The following SFMBT1 variants were observed in gnomAD, a reference collection of about 807,000 sequenced individuals.
SFMBT1 encodes the protein scm-like with four MBT domains protein 1.
A neutral mutation model predicts 108.7 loss-of-function variants in SFMBT1; 32 were observed. The ratio of observed to expected loss-of-function variants is 0.29; its 90% CI spans 0.22 to 0.40. The LOEUF is 0.40. Ranked by LOEUF, SFMBT1 falls within the 10% of genes least tolerant of loss-of-function variation. The pLI, the probability that SFMBT1 is intolerant of heterozygous loss-of-function variation, is 1.00. For synonymous variants in SFMBT1, 348 were observed against 369.5 expected (o/e 0.94, Z 0.67); for missense variants, 816 against 1,059.6 (o/e 0.77, Z 3.19).
In SFMBT1 at chr3:52,921,738, C is replaced by T; in HGVS notation, c.1225G>A (p.Val409Met). 2 of 1,614,170 alleles carry T rather than the reference C, an allele frequency of 1.2e-6. No individual in the cohort carries two copies. Among genetic ancestry groups the T allele is most frequent in the African/African-American group, 1.3e-5 (1 of 75,062 alleles). The change falls in exon 11 of 21, where the codon GTG becomes ATG. Residue 409 changes from valine to methionine, a missense_variant. By Grantham distance (21) the Val-to-Met change is conservative. Around this residue, in one of 5 missense-constraint regions of SFMBT1, gnomAD observed 495 missense variants for 607.4 expected, o/e 0.81. Coordinates refer to ENST00000394752, the MANE Select transcript of SFMBT1 (RefSeq NM_016329.4). Reference protein sequence around the residue: ...EEVCVATITAVRGSYLWLQLE... With the variant: ...EEVCVATITAMRGSYLWLQLE... ...TGGAGCCACAGGTAGGAGCCTCTCACTGCAGTGATGGTAGCAACACACACT... is the reference window on the plus strand; with the variant it reads ...TGGAGCCACAGGTAGGAGCCTCTCATTGCAGTGATGGTAGCAACACACACT...
chr3:52,910,956 G>A (rs1702199864), intron 17 of SFMBT1, 47 bp downstream of exon 17: 1 of 1,587,386 alleles, frequency 6.3e-7, no homozygotes, highest in African/African-American at 1.3e-5. Flanking sequence ...CAAGATGTAA[G>A]GTATGGTCAG....
rs538889531 is a variant in SFMBT1 at position 52,947,641 on chromosome 3, T to C, written c.124-4048A>G. On this transcript the variant is annotated intron_variant, in intron 3 of 20. Coordinates refer to ENST00000394752, the MANE Select transcript of SFMBT1 (RefSeq NM_016329.4). ...GCAAACATTTTTCTCATTTTCACTA[T>C]GATGTCTTTTGATAAACAGAAGTTC... Among the ~76,000 whole-genome samples the C allele has an allele frequency of 4.2e-4, 64 of 152,286 alleles. 1 individual carries two copies. The South Asian group carries it at 0.013, about 31-fold the overall frequency.
chr3:52,935,465 A>G (rs1394017293), intron 4 of SFMBT1, among the ~76,000 whole-genome samples: 1 of 152,224 alleles, frequency 6.6e-6, no homozygotes, highest in Non-Finnish European at 1.5e-5. Flanking sequence ...AGTAAAGCCT[A>G]AAATATTTAC....
At chr3:52,966,666 A>G (rs934829309) in intron 2 of SFMBT1, among the ~76,000 whole-genome samples, 1 of 150,740 alleles carries the variant, frequency 6.6e-6, no homozygotes, top group Non-Finnish European at 1.5e-5. Flanking sequence ...AAAATTCTCT[A>G]AATAGAAATG....
chr3:52,913,362 T>C (rs754450070), intron 15 of SFMBT1, 116 bp downstream of exon 15: 1 of 1,304,190 alleles, frequency 7.7e-7, no homozygotes, highest in East Asian at 2.4e-5. Flanking sequence ...GAAAAGTTAG[T>C]AACTTTTGAT....
rs576586938 is a variant in SFMBT1, at chr3:53,008,457, C to T, written c.-131+37359G>A. Among the ~76,000 whole-genome samples, 13 of 152,272 alleles carry T rather than the reference C, an allele frequency of 8.5e-5. No individual in the cohort carries two copies. In the East Asian group the frequency reaches 2.5e-3, roughly 29 times the overall value. Reference sequence around the variant, plus strand: ...CAATCTTAATACATACACACAAATTCTTTCCAACAAGAATGTTCTCTTTGT... The same window carrying T: ...CAATCTTAATACATACACACAAATTTTTTCCAACAAGAATGTTCTCTTTGT... On this transcript the variant is annotated intron_variant, in intron 1 of 20. Transcript: ENST00000394752.
At chr3:52,971,869 C>A (rs578009995) in intron 1 of SFMBT1, among the ~76,000 whole-genome samples, 2 of 152,146 alleles carry the variant, frequency 1.3e-5, no homozygotes, top group East Asian at 3.8e-4. Context: ...TGGGAAGGAC[C>A]TGAAGGCTGC....
chr3:52,953,120 T>C (rs1703650964), intron 3 of SFMBT1, among the ~76,000 whole-genome samples: 1 of 152,266 alleles, frequency 6.6e-6, no homozygotes, highest in African/African-American at 2.4e-5. Context: ...TAAGTAGTTT[T>C]AGAATTAATT....
chr3:52,918,502 A>G lies in SFMBT1; in HGVS notation c.1397T>C (p.Val466Ala). The G allele has an allele frequency of 6.4e-7, 1 of 1,561,486 alleles. No individual in the cohort carries two copies. The highest frequency in any genetic ancestry group is 8.6e-7 in the Non-Finnish European group (1 of 1,160,764). ...TACTTACTGTTTTTCTGGCTGAACC[A>G]CTGCAATTTTCCTCTGTTTATATAC... ...ARVYKQRKIA[V>A]VQPEKQVPSS... Residue 466 changes from valine to alanine, a missense_variant, in exon 13 of 21, where the codon GTG becomes GCG. By Grantham distance (64) the Val-to-Ala change is moderately conservative. This residue lies in a region of SFMBT1 where 495 missense variants were observed against 607.4 expected (regional missense o/e 0.81). Coordinates refer to ENST00000394752, the MANE Select transcript of SFMBT1 (RefSeq NM_016329.4).
chr3:52,977,998 C>T (rs1451990321), intron 1 of SFMBT1, among the ~76,000 whole-genome samples: 1 of 142,222 alleles, frequency 7.0e-6, no homozygotes, highest in Non-Finnish European at 1.5e-5. Flanking sequence ...TATTATGTGT[C>T]AGGCACAATA....
At chr3:52,909,929 T>G (rs1417429994) in intron 17 of SFMBT1, among the ~76,000 whole-genome samples, 1 of 152,172 alleles carries the variant, frequency 6.6e-6, no homozygotes, top group Non-Finnish European at 1.5e-5. Context: ...CCCCAACTAG[T>G]GTGGCTTCAT....
chr3:52,985,619 G>A (rs777010424), intron 1 of SFMBT1, among the ~76,000 whole-genome samples: 14 of 152,144 alleles, frequency 9.2e-5, no homozygotes. Flanking sequence ...GCTTAATAAT[G>A]AGGATATGTT....
intron 2 of SFMBT1, among the ~76,000 whole-genome samples, chr3:52,958,977 G>A (rs893269747): frequency 6.6e-6 from 1 of 152,112 alleles, no homozygotes; most frequent in Non-Finnish European, 1.5e-5. Context: ...TCCTTTGCAG[G>A]GACATGGATG....
intron 1 of SFMBT1, among the ~76,000 whole-genome samples, chr3:53,002,995 G>A (rs1229589317): frequency 6.7e-6 from 1 of 148,744 alleles, no homozygotes; most frequent in Non-Finnish European, 1.5e-5. Flanking sequence ...GGTAGCACAT[G>A]CTTGTAATCC....
chr3:52,965,918 A>G (rs993034068), intron 2 of SFMBT1, among the ~76,000 whole-genome samples: 1 of 140,464 alleles, frequency 7.1e-6, no homozygotes, highest in African/African-American at 2.7e-5. Flanking sequence ...AGGCAGGAGA[A>G]TGGCGTGAAC....
chr3:52,954,269 G>A lies in SFMBT1; in HGVS notation c.123+48C>T, dbSNP rs184278337. The A allele has an allele frequency of 2.6e-5, 34 of 1,315,424 alleles. No individual in the cohort carries two copies. In the East Asian group the frequency reaches 4.6e-4, roughly 18 times the overall value. The allele number at this position is 1,315,424 out of a possible 1,614,324, so 81.5% of individuals were successfully genotyped here. On this transcript the variant is annotated intron_variant, in intron 3 of 20. Coordinates refer to ENST00000394752, the MANE Select transcript of SFMBT1 (RefSeq NM_016329.4). ...TTCTCTAATGATAATACAGAGATTC[G>A]AAATAAAGGGATATAACACCAGTAA... is the stretch of plus-strand genomic sequence containing the variant.
intron 1 of SFMBT1, among the ~76,000 whole-genome samples, chr3:52,969,481 C>T (rs531129505): frequency 3.3e-5 from 5 of 152,214 alleles, no homozygotes; most frequent in Non-Finnish European, 7.4e-5. Context: ...CGCACACTAT[C>T]GAGATCTTGA....
chr3:52,934,667 G>T, intron 5 of SFMBT1, 146 bp downstream of exon 5: 1 of 566,466 alleles, frequency 1.8e-6, no homozygotes, highest in Non-Finnish European at 2.9e-6. Flanking sequence ...ACCTCTGAGG[G>T]TAAGTTTAAA....
chr3:52,984,391 G>A (rs1377030135), intron 1 of SFMBT1, among the ~76,000 whole-genome samples: 5 of 151,170 alleles, frequency 3.3e-5, no homozygotes, highest in Non-Finnish European at 5.9e-5. Flanking sequence ...CAAGAATGGG[G>A]CCAATTCTTT....
Sources: gnomAD v4.1 joint callset for allele counts (sites outside exome capture counted in the v4.1 genomes callset) on GRCh38, gnomAD v4.1.1 for gene constraint, gnomAD v4.1.1 regional missense constraint, MANE v1.5 for transcripts, NCBI Gene and HGNC (gene_info 2026-07-23, HGNC 2026-07-21) for gene names.